EXOC4: variants seen among roughly 807,000 people sequenced by gnomAD.
EXOC4 encodes SEC8-like 1.
Under a neutral mutation model 107.2 loss-of-function variants are expected in EXOC4, and 71 were observed. The observed-to-expected ratio is 0.66, with a 90% CI of 0.55 to 0.81. The LOEUF is 0.81. EXOC4 is among the 30% of genes least tolerant of loss of function. EXOC4 has a pLI of 0.00. For synonymous variants in EXOC4, 456 were observed against 441.2 expected, an observed-to-expected ratio of 1.03 and a Z score of -0.42; for missense variants, 1,108 against 1,189.6, an observed-to-expected ratio of 0.93 and a Z score of 1.01.
chr7:133,533,601 G>A (rs989941965), intron 9 of EXOC4, among the ~76,000 whole-genome samples: 2 of 152,134 alleles, frequency 1.3e-5, no homozygotes, highest in Non-Finnish European at 2.9e-5. Flanking sequence ...AGCTCTAGGG[G>A]TAGCATGTGC....
intron 3 of EXOC4, among the ~76,000 whole-genome samples, chr7:133,292,335 A>G (rs1234442377): frequency 1.3e-5 from 2 of 152,206 alleles, no homozygotes; most frequent in Non-Finnish European, 1.5e-5. Flanking sequence ...CTGTGAACCT[A>G]ATATTCCTTT....
chr7:133,979,821 C>T (rs767984945), intron 14 of EXOC4, among the ~76,000 whole-genome samples: 7 of 151,962 alleles, frequency 4.6e-5, no homozygotes, highest in South Asian at 2.1e-4. Context: ...AAATTGCCTT[C>T]GTTAAAGAAC....
chr7:134,020,622 G>C (rs745664983), intron 17 of EXOC4, among the ~76,000 whole-genome samples: 3 of 152,174 alleles, frequency 2.0e-5, no homozygotes, highest in Non-Finnish European at 2.9e-5. Flanking sequence ...CATTCACCTA[G>C]TAGTTGGCTA....
At chr7:133,348,300 G>A (rs945572899) in intron 5 of EXOC4, among the ~76,000 whole-genome samples, 1 of 152,170 alleles carries the variant, frequency 6.6e-6, no homozygotes, top group Admixed American at 6.5e-5. Context: ...GATTTCAGGA[G>A]ACAAACAGAA....
intron 14 of EXOC4, 66 bp from the exon 15 acceptor site, chr7:133,997,424 AAT>A (rs1244868304): frequency 6.4e-7 from 1 of 1,574,626 alleles, no homozygotes; most frequent in African/African-American, 1.4e-5. Flanking sequence ...ACAGCAAAAT[AAT>A]ATGTCATTTC....
chr7:133,906,730 TC>T (rs1332691537), intron 12 of EXOC4, among the ~76,000 whole-genome samples: 1 of 152,176 alleles, frequency 6.6e-6, no homozygotes, highest in African/African-American at 2.4e-5. Context: ...ACCGCTGACT[TC>T]CATCCCTCCA....
intron 4 of EXOC4, among the ~76,000 whole-genome samples, chr7:133,311,720 GA>G (rs1794875397): frequency 2.0e-5 from 3 of 152,168 alleles, no homozygotes; most frequent in Admixed American, 6.5e-5. Flanking sequence ...ACTATACTCT[GA>G]GGAAATATAT....
intron 1 of EXOC4, among the ~76,000 whole-genome samples, chr7:133,269,854 C>T (rs1403566450): frequency 1.3e-5 from 2 of 152,186 alleles, no homozygotes; most frequent in Non-Finnish European, 2.9e-5. Context: ...GCCATATGGC[C>T]CAGGTTTGAG....
chr7:133,998,140 G>T (rs927789115), intron 15 of EXOC4, among the ~76,000 whole-genome samples: 1 of 152,168 alleles, frequency 6.6e-6, no homozygotes, highest in Admixed American at 6.5e-5. Flanking sequence ...ACAGGTAAAA[G>T]AATTATACTA....
chr7:133,364,176 A>C (rs1280181697), intron 6 of EXOC4, among the ~76,000 whole-genome samples: 1 of 151,852 alleles, frequency 6.6e-6, no homozygotes, highest in Non-Finnish European at 1.5e-5. Flanking sequence ...CTGAGGCTGG[A>C]ATGTAGAGGC....
At chr7:133,809,071 G>T (rs574961539) in intron 10 of EXOC4, among the ~76,000 whole-genome samples, 2 of 152,040 alleles carry the variant, frequency 1.3e-5, no homozygotes, top group African/African-American at 4.8e-5. Flanking sequence ...GGGGGAATGT[G>T]CATTTTATTT....
chr7:133,317,510 GGTGTGTTGGAACCT>G (rs1795018074), intron 5 of EXOC4, 120 bp downstream of exon 5: 2 of 664,900 alleles, frequency 3.0e-6, no homozygotes, highest in East Asian at 2.6e-5. Context: ...GCCTGAGCTA[GGTGTGTTGGAACCT>G]GTGATGAGCC....
rs182816053 is a variant in EXOC4 at position 133,885,584 on chromosome 7, T to C, written c.1735-10015T>C. Among the ~76,000 whole-genome samples the C allele has an allele frequency of 3.1e-4, 47 of 152,268 alleles. 1 individual carries two copies. The highest frequency in any genetic ancestry group is 1.1e-3 in the African/African-American group (47 of 41,548). On this transcript the variant is annotated intron_variant, in intron 11 of 17. Coordinates refer to ENST00000253861, the MANE Select transcript of EXOC4 (RefSeq NM_021807.4). ...AAGAGATAGCCAATTGAACCAGTGA[T>C]TACCACACTCCAGTGAGAGTGTGGG...
intron 10 of EXOC4, among the ~76,000 whole-genome samples, chr7:133,811,434 T>C (rs572866384): frequency 3.9e-5 from 6 of 152,342 alleles, no homozygotes; most frequent in African/African-American, 1.4e-4. Flanking sequence ...CAGATCATTT[T>C]TAAATGCTTA....
chr7:133,617,602 G>GC (rs1408803837), intron 9 of EXOC4, among the ~76,000 whole-genome samples: 4 of 152,056 alleles, frequency 2.6e-5, no homozygotes, highest in African/African-American at 9.7e-5. Flanking sequence ...CAAAGCCCAG[G>GC]ACCTGTGCAA....
intron 9 of EXOC4, among the ~76,000 whole-genome samples, chr7:133,595,832 T>G (rs534798760): frequency 1.3e-5 from 2 of 152,332 alleles, no homozygotes; most frequent in African/African-American, 4.8e-5. Flanking sequence ...TCTTAGAGGT[T>G]TTCTAAGAAG....
At chr7:133,939,474 A>G (rs1283559534) in intron 14 of EXOC4, among the ~76,000 whole-genome samples, 1 of 152,134 alleles carries the variant, frequency 6.6e-6, no homozygotes, top group African/African-American at 2.4e-5. Context: ...TCTGCACCAG[A>G]AATCTCCTTA....
At chr7:134,061,677 A>G (rs969152634) in intron 17 of EXOC4, among the ~76,000 whole-genome samples, 1 of 152,154 alleles carries the variant, frequency 6.6e-6, no homozygotes, top group Non-Finnish European at 1.5e-5. Context: ...TTAAAAATGT[A>G]TATTCTTAGG....
intron 7 of EXOC4, among the ~76,000 whole-genome samples, chr7:133,413,287 A>G (rs1464259345): frequency 6.6e-6 from 1 of 152,160 alleles, no homozygotes; most frequent in Non-Finnish European, 1.5e-5. Flanking sequence ...GGTCATTTCA[A>G]AACCAAATTC....
Sources: allele counts gnomAD v4.1 joint callset (sites outside exome capture counted in the v4.1 genomes callset), GRCh38; gene constraint gnomAD v4.1.1; transcripts MANE v1.5; gene names NCBI Gene and HGNC (gene_info 2026-07-23, HGNC 2026-07-21).